The following PARD3 variants were observed in gnomAD, a reference collection of about 807,000 sequenced individuals.
The protein encoded by PARD3 is partitioning defective 3 homolog.
In PARD3, 75 loss-of-function variants were observed where a neutral mutation model predicts 155.4. That is an observed-to-expected ratio of 0.48 (90% CI 0.40 to 0.58). The LOEUF (loss-of-function observed/expected upper bound fraction) is 0.58, where lower values mean the gene tolerates loss of function less well. PARD3 is among the 20% of genes least tolerant of loss of function. The pLI is 0.00. For synonymous variants in PARD3, 576 were observed against 610.5 expected (o/e 0.94, Z 0.83); for missense variants, 1,642 against 1,721.7 (o/e 0.95, Z 0.82).
intron 22 of PARD3, among the ~76,000 whole-genome samples, chr10:34,150,615 A>C (rs1948732039): frequency 6.6e-6 from 1 of 152,060 alleles, no homozygotes; most frequent in South Asian, 2.1e-4. Flanking sequence ...CAAAAGATTC[A>C]TTGCTGGGAG....
At chr10:34,186,088 G>A (rs1357756737) in intron 22 of PARD3, among the ~76,000 whole-genome samples, 2 of 151,866 alleles carry the variant, frequency 1.3e-5, no homozygotes, top group African/African-American at 2.4e-5. Context: ...CTTGGAGAAG[G>A]TTCTCTCTCT....
intron 3 of PARD3, among the ~76,000 whole-genome samples, chr10:34,500,966 CTATAT>C: frequency 6.6e-6 from 1 of 152,264 alleles, no homozygotes; most frequent in South Asian, 2.1e-4. Context: ...TAAAAAATTA[CTATAT>C]TACTTTTAAT....
intron 20 of PARD3, among the ~76,000 whole-genome samples, chr10:34,284,563 C>T (rs1956298527): frequency 6.6e-6 from 1 of 152,156 alleles, no homozygotes; most frequent in South Asian, 2.1e-4. Context: ...GGACTAAGTG[C>T]TGAATACTTT....
intron 3 of PARD3, among the ~76,000 whole-genome samples, chr10:34,499,166 AATAAT>A (rs1413375703): frequency 6.6e-6 from 1 of 152,126 alleles, no homozygotes; most frequent in African/African-American, 2.4e-5. Context: ...GTTGATAAGG[AATAAT>A]ATAACTACAA....
chr10:34,402,347 C>G (rs1408852645), intron 5 of PARD3, among the ~76,000 whole-genome samples: 2 of 152,040 alleles, frequency 1.3e-5, no homozygotes, highest in East Asian at 1.9e-4. Context: ...AAAACAGTTA[C>G]AACGATTATA....
chr10:34,406,178 G>A (rs1321496146), intron 5 of PARD3, among the ~76,000 whole-genome samples: 1 of 152,138 alleles, frequency 6.6e-6, no homozygotes, highest in African/African-American at 2.4e-5. Context: ...CTTCTGAATA[G>A]CGATATTAAA....
intron 1 of PARD3, among the ~76,000 whole-genome samples, chr10:34,777,536 T>C (rs1839739291): frequency 6.6e-6 from 1 of 152,110 alleles, no homozygotes; most frequent in Admixed American, 6.5e-5. Context: ...ATTAGACATT[T>C]GGATAATTTT....
At chr10:34,686,696 G>A (rs1482000936) in intron 2 of PARD3, among the ~76,000 whole-genome samples, 1 of 151,428 alleles carries the variant, frequency 6.6e-6, no homozygotes, top group Non-Finnish European at 1.5e-5. Flanking sequence ...AACTGTGATC[G>A]TACCATTGCA....
At chr10:34,694,414 G>A (rs2133458493) in intron 2 of PARD3, among the ~76,000 whole-genome samples, 1 of 150,432 alleles carries the variant, frequency 6.6e-6, no homozygotes. Flanking sequence ...AGCCCAAGAA[G>A]GAGAAACGGC....
At chr10:34,571,344 C>T (rs1235656469) in intron 2 of PARD3, among the ~76,000 whole-genome samples, 2 of 152,046 alleles carry the variant, frequency 1.3e-5, no homozygotes, top group Admixed American at 1.3e-4. Context: ...AAAAAAGTAT[C>T]TTAATTGATA....
chr10:34,479,568 T>G (rs2078941288), intron 3 of PARD3, among the ~76,000 whole-genome samples: 2 of 152,140 alleles, frequency 1.3e-5, no homozygotes, highest in Non-Finnish European at 2.9e-5. Flanking sequence ...CTTCCTAACA[T>G]TATTTCCGAT....
intron 23 of PARD3, 51 bp from the exon 24 acceptor site, chr10:34,119,791 TC>T: frequency 6.7e-7 from 1 of 1,488,368 alleles, no homozygotes; most frequent in Non-Finnish European, 9.1e-7. Context: ...TCTGTACAGA[TC>T]ACACAACTGG....
chr10:34,813,691 G>A (rs924394814), intron 1 of PARD3, among the ~76,000 whole-genome samples: 1 of 152,168 alleles, frequency 6.6e-6, no homozygotes, highest in Non-Finnish European at 1.5e-5. Flanking sequence ...CTTAATTTCT[G>A]AGAGAACTGA....
intron 2 of PARD3, among the ~76,000 whole-genome samples, chr10:34,581,665 C>A (rs1445304960): frequency 1.3e-5 from 2 of 152,206 alleles, no homozygotes; most frequent in East Asian, 3.8e-4. Flanking sequence ...CCTCAAGAGA[C>A]ACATCCATTT....
chr10:34,803,867 G>C (rs1244035763), intron 1 of PARD3, among the ~76,000 whole-genome samples: 1 of 152,014 alleles, frequency 6.6e-6, no homozygotes, highest in African/African-American at 2.4e-5. Flanking sequence ...AGCATTGCAA[G>C]TTTCCTTGGA....
At chr10:34,301,814 C>CTT (rs1168504928) in intron 20 of PARD3, among the ~76,000 whole-genome samples, 13 of 83,086 alleles carry the variant, frequency 1.6e-4, no homozygotes, top group Non-Finnish European at 2.3e-4. Context: ...GTTCTTTCTC[C>CTT]TTTCTTTTTT....
intron 1 of PARD3, among the ~76,000 whole-genome samples, chr10:34,761,626 A>G (rs1837447847): frequency 6.6e-6 from 1 of 152,178 alleles, no homozygotes. Flanking sequence ...CTACTAACTC[A>G]CATAAAATGA....
intron 2 of PARD3, among the ~76,000 whole-genome samples, chr10:34,641,645 G>A (rs2092681950): frequency 2.6e-5 from 4 of 152,054 alleles, no homozygotes; most frequent in Admixed American, 1.3e-4. Flanking sequence ...GATGGCCTCC[G>A]CAGGGGAGGC....
At chr10:34,397,464 C>G (rs1437898972) in intron 7 of PARD3, among the ~76,000 whole-genome samples, 1 of 152,186 alleles carries the variant, frequency 6.6e-6, no homozygotes, top group Non-Finnish European at 1.5e-5. Context: ...AAGTGCCAAA[C>G]TAATAGGGCT....
Sources: allele counts gnomAD v4.1 joint callset (sites outside exome capture counted in the v4.1 genomes callset), GRCh38; gene constraint gnomAD v4.1.1; transcripts MANE v1.5; gene names NCBI Gene and HGNC (gene_info 2026-07-23, HGNC 2026-07-21).